JAKMIP1: variants seen among roughly 807,000 people sequenced by gnomAD.
The protein encoded by JAKMIP1 is janus kinase and microtubule-interacting protein 1.
JAKMIP1 carries 33 observed loss-of-function variants against 113.0 expected under a neutral mutation model. The ratio of observed to expected loss-of-function variants is 0.29; its 90% CI spans 0.22 to 0.39. The LOEUF is 0.39. Ranked by LOEUF, JAKMIP1 falls within the 10% of genes least tolerant of loss-of-function variation. The pLI is 1.00. For missense variants in JAKMIP1, 813 were observed against 1,080.5 expected (o/e 0.75, Z 3.47); for synonymous variants, 480 against 459.9 (o/e 1.04, Z -0.56).
rs530512621 is a variant in JAKMIP1, at chr4:6,141,703, A to T, written c.-147-28706T>A. 6.6e-5 allele frequency among the ~76,000 whole-genome samples: 10 copies of T among 152,330 alleles called. No homozygotes were observed. The South Asian group carries it at 2.1e-3, about 32-fold the overall frequency. ...GCCCTGGTCCACAGAAGCCAGGTGG[A>T]GAAATGCAAGAGCTATTTCTGCACC... On this transcript the variant is annotated intron_variant, in intron 1 of 20. Transcript: ENST00000409021. The surrounding 1 kb of genome is among the most constrained non-coding windows in gnomAD (Gnocchi z 9.4).
chr4:6,075,025 G>A (rs1278379930), intron 8 of JAKMIP1, among the ~76,000 whole-genome samples: 1 of 152,154 alleles, frequency 6.6e-6, no homozygotes, highest in African/African-American at 2.4e-5. Context: ...TGTCCCTGTT[G>A]TTAAGGAATG....
intron 1 of JAKMIP1, among the ~76,000 whole-genome samples, chr4:6,151,444 T>C (rs1035057261): frequency 2.6e-5 from 4 of 152,114 alleles, no homozygotes; most frequent in South Asian, 4.1e-4. Flanking sequence ...CTGAGGTGCC[T>C]CCATGCCTCT....
In JAKMIP1 at chr4:6,080,263, T is replaced by C. The variant is rs1308121747; in HGVS notation, c.1151A>G (p.Asn384Ser). ...CTCATCCCTCGTCAGGCTGAGGTCA[T>C]TCAAGGAGGTATGCCGCTTCAGAGA... is the stretch of plus-strand genomic sequence containing the variant. Reference protein sequence around the residue: ...QASLKRHTSLNDLSLTRDEQE... With the variant: ...QASLKRHTSLSDLSLTRDEQE... Residue 384 changes from asparagine to serine, a missense_variant, in exon 7 of 21, where the codon AAT (asparagine) becomes AGT (serine). This residue lies in a region of JAKMIP1 where 540 missense variants were observed against 653.9 expected (regional missense o/e 0.83). Transcript: ENST00000409021. This position sits in a 1 kb window ranked among gnomAD's most constrained non-coding sequence, Gnocchi z 6.0. 1.2e-6 allele frequency: 2 copies of C among 1,614,226 alleles called. No individual in the cohort carries two copies. The highest frequency in any genetic ancestry group is 2.2e-5 in the South Asian group (2 of 91,076).
intron 16 of JAKMIP1, among the ~76,000 whole-genome samples, chr4:6,047,505 C>G (rs577424659): frequency 6.6e-6 from 1 of 152,208 alleles, no homozygotes; most frequent in Non-Finnish European, 1.5e-5. Flanking sequence ...GAGTCATCCC[C>G]GTCCCGCGGT....
rs1715693552 is a variant in JAKMIP1 at position 6,051,799 on chromosome 4, C to T, written c.1807-1120G>A. Among the ~76,000 whole-genome samples, 1 of 152,228 alleles carries T rather than the reference C, an allele frequency of 6.6e-6. No individual in the cohort carries two copies. Among genetic ancestry groups the T allele is most frequent in the South Asian group, 2.1e-4 (1 of 4,834 alleles). On this transcript the variant is annotated intron_variant, in intron 13 of 20. Transcript: ENST00000409021. This position sits in a 1 kb window ranked among gnomAD's most constrained non-coding sequence, Gnocchi z 5.0. ...GCTAAAGCACAGTGGCAGAACAGGACTCAGGTCTCAGATGTGTTTCCTGCA... is the reference window on the plus strand; with the variant it reads ...GCTAAAGCACAGTGGCAGAACAGGATTCAGGTCTCAGATGTGTTTCCTGCA...
chr4:6,053,662 G>T, intron 13 of JAKMIP1: 1 of 432,854 alleles, frequency 2.3e-6, no homozygotes, highest in Non-Finnish European at 3.2e-6. Flanking sequence ...TTGCAACAGT[G>T]CTTCCGTCTG....
Position 6,185,853 on chromosome 4 carries a change from C to G in JAKMIP1, c.-148+14400G>C, listed in dbSNP as rs1455364093. Among the ~76,000 whole-genome samples the G allele has an allele frequency of 6.6e-6, 1 of 152,214 alleles. No homozygotes were observed. Among genetic ancestry groups the G allele is most frequent in the African/African-American group, 2.4e-5 (1 of 41,456 alleles). On this transcript the variant is annotated intron_variant, in intron 1 of 20. Coordinates refer to ENST00000409021, the MANE Select transcript of JAKMIP1 (RefSeq NM_001099433.2). This position sits in a 1 kb window ranked among gnomAD's most constrained non-coding sequence, Gnocchi z 5.3. ...CAGGTGTTCTAGACAATACCTTTAA[C>G]AGCCCACAGCCAAGTTTTCTATCTA...
intron 17 of JAKMIP1, among the ~76,000 whole-genome samples, chr4:6,041,878 T>G (rs1714358120): frequency 6.6e-6 from 1 of 152,184 alleles, no homozygotes; most frequent in South Asian, 2.1e-4. Flanking sequence ...GTGAGCTTGC[T>G]CCTGGTGGCA....
At chr4:6,148,913 C>T (rs1397843090) in intron 1 of JAKMIP1, among the ~76,000 whole-genome samples, 1 of 152,164 alleles carries the variant, frequency 6.6e-6, no homozygotes, top group Non-Finnish European at 1.5e-5. Flanking sequence ...CTAGCCAGGG[C>T]ATGGGGACTG....
At chr4:6,028,070 C>T (rs1044268462) in intron 20 of JAKMIP1, among the ~76,000 whole-genome samples, 3 of 152,208 alleles carry the variant, frequency 2.0e-5, no homozygotes, top group Non-Finnish European at 4.4e-5. Context: ...CATGAGAACA[C>T]CAAGGCCTGA....
In JAKMIP1 at chr4:6,026,337, T is replaced by G. The variant is rs902983335; in HGVS notation, c.2446-59A>C. ...GAGAAGAAAAAGAAAAGAAAACAGA[T>G]GTAAGATATGTAGTATGGAACTCAA... On this transcript the variant is annotated intron_variant, in intron 20 of 20. Coordinates refer to ENST00000409021, the MANE Select transcript of JAKMIP1 (RefSeq NM_001099433.2). 3 of 849,404 alleles carry G rather than the reference T, an allele frequency of 3.5e-6. No individual in the cohort carries two copies. The African/African-American group carries it at 5.2e-5, about 15-fold the overall frequency. The allele number at this position is 849,404 out of a possible 1,614,324, so 52.6% of individuals were successfully genotyped here.
chr4:6,127,807 C>A (rs1449276977), intron 1 of JAKMIP1, among the ~76,000 whole-genome samples: 1 of 152,376 alleles, frequency 6.6e-6, no homozygotes, highest in East Asian at 1.9e-4. Flanking sequence ...GCTCTCACTT[C>A]AGAAAGCACT....
chr4:6,103,606 T>G (rs1713437308), intron 3 of JAKMIP1, among the ~76,000 whole-genome samples: 2 of 152,222 alleles, frequency 1.3e-5, no homozygotes, highest in Admixed American at 1.3e-4. Flanking sequence ...CTTGAAAGAA[T>G]TTACTTGTGA....
chr4:6,081,319 T>C lies in JAKMIP1; in HGVS notation c.1101+290A>G, dbSNP rs749443333. 1.2e-4 allele frequency among the ~76,000 whole-genome samples: 18 copies of C among 152,330 alleles called. No homozygotes were observed. The highest frequency in any genetic ancestry group is 2.5e-4 in the Non-Finnish European group (17 of 68,028). ...CCTCTTGATGATCCTCCAGTGTGGA[T>C]ATTTTCATTCCCATTTTATGCATGA... On this transcript the variant is annotated intron_variant, in intron 6 of 20. Coordinates refer to ENST00000409021, the MANE Select transcript of JAKMIP1 (RefSeq NM_001099433.2). This position sits in a 1 kb window ranked among gnomAD's most constrained non-coding sequence, Gnocchi z 4.6.
chr4:6,197,833 C>A lies in JAKMIP1; in HGVS notation c.-148+2420G>T, dbSNP rs1728007596. Among the ~76,000 whole-genome samples, 2 of 152,246 alleles carry A rather than the reference C, an allele frequency of 1.3e-5. No homozygotes were observed. The highest frequency in any genetic ancestry group is 2.9e-5 in the Non-Finnish European group (2 of 68,042). On this transcript the variant is annotated intron_variant, in intron 1 of 20. Transcript: ENST00000409021. This position sits in a 1 kb window ranked among gnomAD's most constrained non-coding sequence, Gnocchi z 6.5. ...CGAGGAGTTAAACAGATAGCCATAG[C>A]CTGCAGTGGCAATTGCTGCTGGCTT...
chr4:6,045,395 G>A (rs58471835), intron 16 of JAKMIP1, among the ~76,000 whole-genome samples: 32 of 152,328 alleles, frequency 2.1e-4, no homozygotes, highest in African/African-American at 7.7e-4. Flanking sequence ...GATCCTATAC[G>A]TGGCTAACCA....
rs543308392 is a variant in JAKMIP1 at position 6,076,775 on chromosome 4, C to T, written c.1302+2164G>A. 2.6e-5 allele frequency among the ~76,000 whole-genome samples: 4 copies of T among 152,158 alleles called. No homozygotes were observed. Among genetic ancestry groups the T allele is most frequent in the African/African-American group, 4.8e-5 (2 of 41,436 alleles). On this transcript the variant is annotated intron_variant, in intron 8 of 20. Transcript: ENST00000409021. The surrounding 1 kb of genome is among the most constrained non-coding windows in gnomAD (Gnocchi z 4.8). ...CTTGGGGATGGGACCCAAGTCTAAACATGAAATTCATTTGTTTCATATACA... is the reference window on the plus strand; with the variant it reads ...CTTGGGGATGGGACCCAAGTCTAAATATGAAATTCATTTGTTTCATATACA...
rs547324123 is a variant in JAKMIP1, at chr4:6,082,372, G to GC, written c.955-618dup. ...TGCATTCTACTTCTAGAAACCTACC[G>GC]CCCCCCCAAAAAAATGCCATGTAGA... On this transcript the variant is annotated intron_variant, in intron 5 of 20. Coordinates refer to ENST00000409021, the MANE Select transcript of JAKMIP1 (RefSeq NM_001099433.2). Among the ~76,000 whole-genome samples the GC allele has an allele frequency of 7.8e-3, 1,186 of 151,352 alleles. 12 individuals are homozygous for GC. The highest frequency in any genetic ancestry group is 0.027 in the African/African-American group (1,110 of 41,266).
chr4:6,049,860 A>C lies in JAKMIP1; in HGVS notation c.1921T>G (p.Ser641Ala). The C allele has an allele frequency of 6.2e-7, 1 of 1,612,222 alleles. No homozygotes were observed. The highest frequency in any genetic ancestry group is 1.1e-5 in the South Asian group (1 of 90,936). The part of the protein sequence containing the change: ...HQEGVKDVNV[S>A]ELMKKLDILG... Reference sequence around the variant, plus strand: ...ATATCTAATTTCTTCATAAGTTCAGAAACATTCACATCCTGGAAGAGATTT... The same window carrying C: ...ATATCTAATTTCTTCATAAGTTCAGCAACATTCACATCCTGGAAGAGATTT... The change falls in exon 15 of 21, where the codon TCT becomes GCT. Residue 641 changes from serine to alanine, a missense_variant. Physicochemically the swap from Ser to Ala is moderately conservative, Grantham distance 99 (BLOSUM62 1). Around this residue, in one of 2 missense-constraint regions of JAKMIP1, gnomAD observed 273 missense variants for 426.6 expected, o/e 0.64. Transcript: ENST00000409021. The surrounding 1 kb of genome is among the most constrained non-coding windows in gnomAD (Gnocchi z 7.0).
Sources: gnomAD v4.1 joint callset for allele counts (sites outside exome capture counted in the v4.1 genomes callset) on GRCh38, gnomAD v4.1.1 for gene constraint, gnomAD v4.1.1 regional missense constraint, Gnocchi (gnomAD v3.1) non-coding constraint, MANE v1.5 for transcripts, NCBI Gene and HGNC (gene_info 2026-07-23, HGNC 2026-07-21) for gene names.